The following CSMD1 variants were observed in gnomAD, a reference collection of about 807,000 sequenced individuals.
CSMD1 encodes CUB and sushi domain-containing protein 1.
A neutral mutation model predicts 417.5 loss-of-function variants in CSMD1; 213 were observed. The observed-to-expected ratio is 0.51, with a 90% CI of 0.46 to 0.57. The LOEUF (loss-of-function observed/expected upper bound fraction) is 0.57. CSMD1 is among the 20% of genes least tolerant of loss of function. CSMD1 has a pLI of 0.00. For missense variants in CSMD1, 6,923 were observed against 4,529.7 expected, an observed-to-expected ratio of 1.53 and a Z score of -15.17; for synonymous variants, 2,862 against 1,736.8, an observed-to-expected ratio of 1.65 and a Z score of -16.11.
intron 26 of CSMD1, among the ~76,000 whole-genome samples, chr8:3,275,435 T>C (rs546785697): frequency 1.6e-4 from 24 of 152,314 alleles, no homozygotes; most frequent in African/African-American, 4.8e-4. Flanking sequence ...AGGAGTATCT[T>C]TGTGGCATTC....
intron 5 of CSMD1, among the ~76,000 whole-genome samples, chr8:3,851,614 GA>G (rs1165036788): frequency 5.3e-5 from 8 of 151,796 alleles, no homozygotes; most frequent in Non-Finnish European, 1.2e-4. Flanking sequence ...TTTCACTGGA[GA>G]AAAAAACATC....
At chr8:2,994,077 C>A (rs664743) in intron 54 of CSMD1, among the ~76,000 whole-genome samples, 2 of 129,312 alleles carry the variant, frequency 1.5e-5, no homozygotes, top group African/African-American at 5.5e-5. Flanking sequence ...ACCCTGGAGG[C>A]GGAAGTTGCA....
At chr8:4,020,639 T>A (rs550954110) in intron 4 of CSMD1, among the ~76,000 whole-genome samples, 1 of 152,168 alleles carries the variant, frequency 6.6e-6, no homozygotes, top group East Asian at 1.9e-4. Context: ...TCACTCTTCT[T>A]TATTTTTTCT....
At chr8:3,894,646 A>T (rs1045109748) in intron 5 of CSMD1, among the ~76,000 whole-genome samples, 1 of 152,190 alleles carries the variant, frequency 6.6e-6, no homozygotes, top group Admixed American at 6.5e-5. Flanking sequence ...ACAAGACTTC[A>T]CTATTAACCT....
chr8:4,444,855 G>A (rs1445796594), intron 2 of CSMD1, among the ~76,000 whole-genome samples: 2 of 152,144 alleles, frequency 1.3e-5, no homozygotes, highest in Non-Finnish European at 1.5e-5. Flanking sequence ...CAACCCAGAG[G>A]ACTCCTGCTG....
At chr8:3,457,649 T>C (rs945404105) in intron 12 of CSMD1, among the ~76,000 whole-genome samples, 1 of 152,214 alleles carries the variant, frequency 6.6e-6, no homozygotes, top group East Asian at 1.9e-4. Context: ...ATATCATCCA[T>C]TTCTAAGACA....
At chr8:3,660,190 T>C (rs1398560157) in intron 7 of CSMD1, among the ~76,000 whole-genome samples, 1 of 152,204 alleles carries the variant, frequency 6.6e-6, no homozygotes, top group African/African-American at 2.4e-5. Context: ...GTTTAGAGTG[T>C]GGGTTTGGGA....
chr8:4,490,171 G>A (rs946292048), intron 2 of CSMD1, among the ~76,000 whole-genome samples: 1 of 151,668 alleles, frequency 6.6e-6, no homozygotes, highest in Non-Finnish European at 1.5e-5. Context: ...CTCTCAGGTA[G>A]CTGGGATTAC....
intron 5 of CSMD1, among the ~76,000 whole-genome samples, chr8:3,831,777 G>A (rs1439306365): frequency 1.3e-5 from 2 of 152,052 alleles, no homozygotes; most frequent in Admixed American, 6.6e-5. Context: ...AGCCATTTGG[G>A]ATATTTTTGC....
At chr8:3,641,840 A>G (rs1203333600) in intron 7 of CSMD1, among the ~76,000 whole-genome samples, 2 of 152,182 alleles carry the variant, frequency 1.3e-5, no homozygotes, top group Non-Finnish European at 2.9e-5. Flanking sequence ...CAAACCTACC[A>G]TAACGTCCTA....
intron 3 of CSMD1, among the ~76,000 whole-genome samples, chr8:4,351,381 C>A (rs929468554): frequency 3.9e-5 from 6 of 152,238 alleles, no homozygotes; most frequent in Admixed American, 2.0e-4. Flanking sequence ...GTTCTCCTCT[C>A]TTCTCGTCTC....
At chr8:3,266,295 C>G (rs1422354793) in intron 26 of CSMD1, among the ~76,000 whole-genome samples, 3 of 151,340 alleles carry the variant, frequency 2.0e-5, no homozygotes, top group African/African-American at 7.3e-5. Flanking sequence ...CACCACAGTT[C>G]TGCAAGGGGC....
intron 1 of CSMD1, among the ~76,000 whole-genome samples, chr8:4,910,499 C>A (rs940173290): frequency 6.6e-6 from 1 of 152,158 alleles, no homozygotes; most frequent in Non-Finnish European, 1.5e-5. Flanking sequence ...TAGAAGGCAC[C>A]TTCCCGCTGT....
At chr8:3,471,450 T>G (rs1444191721) in intron 11 of CSMD1, among the ~76,000 whole-genome samples, 1 of 152,164 alleles carries the variant, frequency 6.6e-6, no homozygotes, top group East Asian at 1.9e-4. Context: ...GTTGCAGGGC[T>G]TTCTATATAT....
intron 5 of CSMD1, among the ~76,000 whole-genome samples, chr8:3,831,331 G>C (rs536746968): frequency 3.7e-4 from 57 of 152,254 alleles, no homozygotes; most frequent in African/African-American, 1.3e-3. Context: ...AGCTCCATCT[G>C]TCTCCTTCTG....
At chr8:3,833,276 A>G (rs1585062661) in intron 5 of CSMD1, among the ~76,000 whole-genome samples, 6 of 152,242 alleles carry the variant, frequency 3.9e-5, no homozygotes, top group Admixed American at 3.9e-4. Context: ...TTGTCATTAC[A>G]ACACTGATAT....
rs77866225 is a variant in CSMD1 at position 4,726,964 on chromosome 8, T to C, written c.86-89406A>G. Among the ~76,000 whole-genome samples, 610 of 152,186 alleles carry C rather than the reference T, an allele frequency of 4.0e-3. 9 individuals carry two copies. The highest frequency in any genetic ancestry group is 0.014 in the African/African-American group (589 of 41,524). On this transcript the variant is annotated intron_variant, in intron 1 of 69. Coordinates refer to ENST00000635120, the MANE Select transcript of CSMD1 (RefSeq NM_033225.6). ...TACATATGTACTTAAAAAAAATACATGGATGAGATGATTAGGATGGAAAAT... is the reference window on the plus strand; with the variant it reads ...TACATATGTACTTAAAAAAAATACACGGATGAGATGATTAGGATGGAAAAT...
At chr8:4,781,051 T>A (rs926916700) in intron 1 of CSMD1, among the ~76,000 whole-genome samples, 1 of 152,212 alleles carries the variant, frequency 6.6e-6, no homozygotes, top group Admixed American at 6.5e-5. Context: ...CTTCTGAACC[T>A]CATTTTCCTT....
At chr8:4,246,132 T>G (rs1802695264) in intron 3 of CSMD1, among the ~76,000 whole-genome samples, 1 of 152,164 alleles carries the variant, frequency 6.6e-6, no homozygotes, top group Non-Finnish European at 1.5e-5. Flanking sequence ...ACCCAGATAT[T>G]AAGCCTAGTA....
Sources: gnomAD v4.1 joint callset for allele counts (sites outside exome capture counted in the v4.1 genomes callset) on GRCh38, gnomAD v4.1.1 for gene constraint, MANE v1.5 for transcripts, NCBI Gene and HGNC (gene_info 2026-07-23, HGNC 2026-07-21) for gene names.